ARK2C: variants seen among roughly 807,000 people sequenced by gnomAD.
ARK2C encodes the protein arkadia (RNF111) C-terminal like ring finger ubiquitin ligase 2C.
At chr18:46,445,342 T>C in the ARK2C span, among the ~76,000 whole-genome samples, 2 of 152,200 alleles carry the variant, frequency 1.3e-5, no homozygotes, top group Non-Finnish European at 2.9e-5. Context: ...AAGGCTCTTC[T>C]GGGGTCTCTA....
the ARK2C span, among the ~76,000 whole-genome samples, chr18:46,410,154 T>C: frequency 6.6e-6 from 1 of 152,178 alleles, no homozygotes; most frequent in Non-Finnish European, 1.5e-5. Flanking sequence ...TAAGGTCACA[T>C]GACCTCAGGG....
chr18:46,451,419 G>T, the ARK2C span, among the ~76,000 whole-genome samples: 13 of 151,966 alleles, frequency 8.6e-5, no homozygotes, highest in African/African-American at 2.9e-4. Context: ...AATTTTGGAA[G>T]CAACCAAGAT....
chr18:46,438,489 C>T, the ARK2C span, among the ~76,000 whole-genome samples: 1 of 152,176 alleles, frequency 6.6e-6, no homozygotes, highest in Non-Finnish European at 1.5e-5. Context: ...TTCCTTGGGA[C>T]TTTGCTTTGG....
At chr18:46,456,655 G>A in the ARK2C span, 5 of 1,545,274 alleles carry the variant, frequency 3.2e-6, no homozygotes, top group East Asian at 6.7e-5. Context: ...TTAGCCAGTG[G>A]ACACCCCATT....
chr18:46,384,059 A>G, the ARK2C span, among the ~76,000 whole-genome samples: 1 of 152,266 alleles, frequency 6.6e-6, no homozygotes, highest in South Asian at 2.1e-4. Context: ...AACAGCAGAC[A>G]GAGGCAGTCG....
chr18:46,411,516 A>G, the ARK2C span, among the ~76,000 whole-genome samples: 6 of 152,222 alleles, frequency 3.9e-5, no homozygotes, highest in Non-Finnish European at 8.8e-5. Flanking sequence ...TCATTTCAAC[A>G]TACATTTGGT....
At chr18:46,378,514 C>T in the ARK2C span, among the ~76,000 whole-genome samples, 1 of 152,170 alleles carries the variant, frequency 6.6e-6, no homozygotes. Context: ...GGAAAGGCTT[C>T]GGGGAGCTTG....
At chr18:46,361,515 T>G in the ARK2C span, among the ~76,000 whole-genome samples, 1 of 152,224 alleles carries the variant, frequency 6.6e-6, no homozygotes, top group East Asian at 1.9e-4. Flanking sequence ...TCCTCTCCCC[T>G]GTGCCCGGCC....
chr18:46,360,533 A>G, the ARK2C span, among the ~76,000 whole-genome samples: 1 of 152,336 alleles, frequency 6.6e-6, no homozygotes, highest in Admixed American at 6.5e-5. Flanking sequence ...TTTCTGAAAG[A>G]CATTTCCATG....
chr18:46,382,120 T>C, the ARK2C span, among the ~76,000 whole-genome samples: 1 of 152,176 alleles, frequency 6.6e-6, no homozygotes, highest in Non-Finnish European at 1.5e-5. Context: ...GCTCTTAAAT[T>C]AGAGGCCATG....
At chr18:46,450,625 C>T in the ARK2C span, 1 of 1,164,852 alleles carries the variant, frequency 8.6e-7, no homozygotes, top group Non-Finnish European at 1.3e-6. Flanking sequence ...TCATGTCTTC[C>T]AGCTCCCAAT....
chr18:46,391,182 C>T, the ARK2C span, among the ~76,000 whole-genome samples: 1 of 152,204 alleles, frequency 6.6e-6, no homozygotes, highest in Non-Finnish European at 1.5e-5. Context: ...TTACAGTTTA[C>T]AGGTCACAGA....
At chr18:46,368,953 C>CA in the ARK2C span, among the ~76,000 whole-genome samples, 27 of 152,182 alleles carry the variant, frequency 1.8e-4, no homozygotes, top group South Asian at 8.3e-4. Context: ...TGTTTACTGT[C>CA]ATCATTTCTA....
At chr18:46,403,808 G>A in the ARK2C span, among the ~76,000 whole-genome samples, 1 of 152,142 alleles carries the variant, frequency 6.6e-6, no homozygotes, top group Non-Finnish European at 1.5e-5. Flanking sequence ...AACCTGGAAG[G>A]TGGAGGTTGC....
the ARK2C span, among the ~76,000 whole-genome samples, chr18:46,342,439 A>G: frequency 1.3e-5 from 2 of 152,254 alleles, no homozygotes; most frequent in East Asian, 1.9e-4. Context: ...GAGGGGGTCT[A>G]GACCCCCAAC....
the ARK2C span, chr18:46,457,290 T>A: frequency 2.0e-5 from 3 of 152,610 alleles, no homozygotes; most frequent in Admixed American, 1.3e-4. Context: ...AGGATTTTGT[T>A]TTTCACCCAA....
At chr18:46,351,884 T>C in the ARK2C span, among the ~76,000 whole-genome samples, 1 of 152,200 alleles carries the variant, frequency 6.6e-6, no homozygotes, top group Non-Finnish European at 1.5e-5. Context: ...TATTGGTGTG[T>C]GTTGGGATGG....
At chr18:46,341,377 T>C in the ARK2C span, among the ~76,000 whole-genome samples, 2 of 151,898 alleles carry the variant, frequency 1.3e-5, no homozygotes, top group Non-Finnish European at 2.9e-5. Context: ...TCAGGGAGTT[T>C]ACTGTAAGGT....
chr18:46,374,580 C>G, the ARK2C span, among the ~76,000 whole-genome samples: 1 of 152,292 alleles, frequency 6.6e-6, no homozygotes, highest in African/African-American at 2.4e-5. Flanking sequence ...TGTGCTGCAC[C>G]CTGTGTCAGG....
Sources: allele counts gnomAD v4.1 joint callset (sites outside exome capture counted in the v4.1 genomes callset), GRCh38; gene constraint gnomAD v4.1.1; transcripts MANE v1.5; gene names NCBI Gene and HGNC (gene_info 2026-07-23, HGNC 2026-07-21).